The following RALGPS1 variants were observed in gnomAD, a reference collection of about 807,000 sequenced individuals.
RALGPS1 encodes Ral GEF with PH domain and SH3 binding motif 1.
Under a neutral mutation model 78.8 loss-of-function variants are expected in RALGPS1, and 19 were observed. The ratio of observed to expected loss-of-function variants is 0.24; its 90% confidence interval spans 0.17 to 0.35. RALGPS1 has a LOEUF of 0.35. Among genes scored for constraint, RALGPS1 ranks in the 10% least tolerant of loss-of-function variants. RALGPS1 has a pLI of 1.00. For synonymous variants in RALGPS1, 228 were observed against 256.3 expected, an observed-to-expected ratio of 0.89 and a Z score of 1.06; for missense variants, 454 against 688.3, an observed-to-expected ratio of 0.66 and a Z score of 3.81.
intron 4 of RALGPS1, among the ~76,000 whole-genome samples, chr9:127,031,245 G>T (rs72764357): frequency 0.068 from 10,338 of 152,302 alleles, 428 homozygotes; most frequent in Middle Eastern, 0.16. Flanking sequence ...AGGCATTAGT[G>T]ACTGGAAGAG....
intron 3 of RALGPS1, among the ~76,000 whole-genome samples, chr9:126,976,086 A>G (rs955922147): frequency 2.0e-5 from 3 of 151,964 alleles, no homozygotes; most frequent in Non-Finnish European, 4.4e-5. Context: ...GTGTGTTGCC[A>G]TTTTTCTCTA....
chr9:127,135,715 C>G (rs1001138), intron 8 of RALGPS1, among the ~76,000 whole-genome samples: 110,735 of 152,088 alleles, frequency 0.73, 40,567 homozygotes, highest in East Asian at 0.83. Flanking sequence ...TCTGTGAAGG[C>G]GGTAGGGGAG....
At chr9:127,105,032 A>T (rs756398458) in intron 8 of RALGPS1, among the ~76,000 whole-genome samples, 119 of 152,060 alleles carry the variant, frequency 7.8e-4, no homozygotes, top group Non-Finnish European at 1.4e-3. Flanking sequence ...TTTAGTCCTC[A>T]ACACCAGGAG....
intron 2 of RALGPS1, among the ~76,000 whole-genome samples, chr9:126,964,005 T>C (rs1236989538): frequency 6.6e-6 from 1 of 152,208 alleles, no homozygotes; most frequent in Non-Finnish European, 1.5e-5. Flanking sequence ...TTTTCAAAAG[T>C]TCACTCTGCG....
At chr9:127,005,632 C>A (rs2043765829) in intron 4 of RALGPS1, among the ~76,000 whole-genome samples, 1 of 152,076 alleles carries the variant, frequency 6.6e-6, no homozygotes, top group Non-Finnish European at 1.5e-5. Context: ...AGTTCACTGG[C>A]TCTCCAAAGG....
chr9:127,191,974 G>A (rs1490465043), intron 11 of RALGPS1, among the ~76,000 whole-genome samples: 2 of 152,204 alleles, frequency 1.3e-5, no homozygotes, highest in African/African-American at 4.8e-5. Context: ...TGGGATTAGA[G>A]GCGTGAGCCA....
chr9:127,038,802 G>A (rs1009669632), intron 5 of RALGPS1, among the ~76,000 whole-genome samples: 5 of 152,200 alleles, frequency 3.3e-5, no homozygotes, highest in Admixed American at 2.6e-4. Flanking sequence ...AGTGGGGTCT[G>A]TTCCTTCAAT....
At position 127,162,082 on chromosome 9, in the gene RALGPS1, G is replaced by A. The variant is rs112796928; in HGVS notation, c.611-3987G>A. On this transcript the variant is annotated intron_variant, in intron 8 of 18. Transcript: ENST00000259351. Reference sequence around the variant, plus strand: ...CAGCTACAAAACGAGGGTAACATGTGCTTCATAAGGTTATTGTATGAGTTA... The same window carrying A: ...CAGCTACAAAACGAGGGTAACATGTACTTCATAAGGTTATTGTATGAGTTA... Among the ~76,000 whole-genome samples the A allele has an allele frequency of 6.9e-4, 105 of 152,280 alleles. 2 individuals are homozygous for A. Among genetic ancestry groups the A allele is most frequent in the African/African-American group, 2.4e-3 (101 of 41,554 alleles).
At chr9:127,082,935 A>AG (rs2051321525) in intron 8 of RALGPS1, among the ~76,000 whole-genome samples, 1 of 152,144 alleles carries the variant, frequency 6.6e-6, no homozygotes, top group Non-Finnish European at 1.5e-5. Flanking sequence ...CAGCGTACCC[A>AG]GGAAGAGGCC....
intron 7 of RALGPS1, among the ~76,000 whole-genome samples, chr9:127,063,594 T>C (rs997204937): frequency 1.3e-5 from 2 of 152,170 alleles, no homozygotes; most frequent in African/African-American, 4.8e-5. Flanking sequence ...TTTTTTAGTT[T>C]GATGGTTTGT....
At chr9:127,169,287 GC>G (rs1184612565) in intron 10 of RALGPS1, among the ~76,000 whole-genome samples, 2 of 152,116 alleles carry the variant, frequency 1.3e-5, no homozygotes, top group Non-Finnish European at 2.9e-5. Flanking sequence ...AGTATTCAAG[GC>G]CCTACCTCCT....
intron 1 of RALGPS1, among the ~76,000 whole-genome samples, chr9:126,962,001 TC>T (rs1423572911): frequency 6.6e-6 from 1 of 152,162 alleles, no homozygotes; most frequent in East Asian, 1.9e-4. Flanking sequence ...TGTGAAATCT[TC>T]CAATTTTTAA....
chr9:127,113,133 T>G (rs2055019512), intron 8 of RALGPS1, among the ~76,000 whole-genome samples: 1 of 152,226 alleles, frequency 6.6e-6, no homozygotes, highest in African/African-American at 2.4e-5. Flanking sequence ...CAGGGCACTG[T>G]GCTGGGCGCC....
chr9:127,052,226 G>A (rs1564489373), intron 6 of RALGPS1, among the ~76,000 whole-genome samples: 1 of 152,196 alleles, frequency 6.6e-6, no homozygotes, highest in East Asian at 1.9e-4. Context: ...CTGTTAGCAG[G>A]TTTCTCTTAG....
intron 18 of RALGPS1, among the ~76,000 whole-genome samples, chr9:127,216,657 A>G (rs2062597661): frequency 6.6e-6 from 1 of 152,224 alleles, no homozygotes; most frequent in African/African-American, 2.4e-5. Context: ...TGTACACTGA[A>G]TAAATGTAAT....
At chr9:127,177,198 G>A (rs1238117008) in intron 11 of RALGPS1, among the ~76,000 whole-genome samples, 1 of 152,116 alleles carries the variant, frequency 6.6e-6, no homozygotes, top group Non-Finnish European at 1.5e-5. Context: ...GTGGGTGGGT[G>A]GGTGGATAGA....
intron 3 of RALGPS1, among the ~76,000 whole-genome samples, chr9:126,969,410 A>C (rs976236968): frequency 2.0e-5 from 3 of 152,178 alleles, no homozygotes; most frequent in African/African-American, 7.2e-5. Context: ...CCTGGCTCCA[A>C]TGTGTATTTT....
intron 8 of RALGPS1, among the ~76,000 whole-genome samples, chr9:127,137,957 AG>A (rs1191595252): frequency 2.6e-5 from 4 of 152,236 alleles, no homozygotes; most frequent in African/African-American, 9.6e-5. Context: ...TAGCCCTCAG[AG>A]AATGGAAGCC....
At chr9:127,078,510 C>T (rs1033382602) in intron 8 of RALGPS1, among the ~76,000 whole-genome samples, 2 of 152,192 alleles carry the variant, frequency 1.3e-5, no homozygotes, top group Non-Finnish European at 2.9e-5. Context: ...ACTTACGCAT[C>T]CTCCTTTTAA....
Sources: allele counts gnomAD v4.1 joint callset (sites outside exome capture counted in the v4.1 genomes callset), GRCh38; gene constraint gnomAD v4.1.1; transcripts MANE v1.5; gene names NCBI Gene and HGNC (gene_info 2026-07-23, HGNC 2026-07-21).